The following DOP1A variants were observed in gnomAD, a reference collection of about 807,000 sequenced individuals.
DOP1A encodes protein DOP1A.
A neutral mutation model predicts 267.6 loss-of-function variants in DOP1A; 90 were observed. The observed-to-expected ratio is 0.34, with a 90% confidence interval of 0.28 to 0.40. The LOEUF is 0.40. Ranked by LOEUF, DOP1A falls within the 10% of genes least tolerant of loss-of-function variation. DOP1A has a pLI of 1.00. For missense variants in DOP1A, 2,437 were observed against 2,900.4 expected (o/e 0.84, Z 3.67); for synonymous variants, 932 against 999.1 (o/e 0.93, Z 1.27).
At chr6:83,170,506 CTCTA>C, downstream of DOP1A, 1 of 1,569,012 alleles carries the variant, frequency 6.4e-7, no homozygotes, top group Non-Finnish European at 8.8e-7. Context: ...ATATTTGTTA[CTCTA>C]TTACACTTCC....
chr6:83,136,723 T>G (rs551949020), intron 20 of DOP1A, among the ~76,000 whole-genome samples: 30 of 152,248 alleles, frequency 2.0e-4, no homozygotes, highest in African/African-American at 6.5e-4. Flanking sequence ...CAGAATGTCT[T>G]TGTGTTAATG....
At chr6:83,078,376 G>A (rs1767487640) in intron 1 of DOP1A, among the ~76,000 whole-genome samples, 1 of 152,136 alleles carries the variant, frequency 6.6e-6, no homozygotes, top group African/African-American at 2.4e-5. Flanking sequence ...TTCCAGCAGG[G>A]AACATGCTCC....
chr6:83,097,604 C>T (rs117271113), intron 3 of DOP1A, among the ~76,000 whole-genome samples: 2,773 of 152,276 alleles, frequency 0.018, 50 homozygotes, highest in Admixed American at 0.06. Context: ...CAGTTGCTTA[C>T]GCCTTGCAGC....
At chr6:83,153,752 A>T in intron 31 of DOP1A, 132 bp downstream of exon 31, 1 of 1,170,434 alleles carries the variant, frequency 8.5e-7, no homozygotes, top group Non-Finnish European at 1.2e-6. Context: ...GTTTAAAAAA[A>T]TTCATATATT....
chr6:83,080,330 T>A (rs1044439540), intron 1 of DOP1A, among the ~76,000 whole-genome samples: 3 of 152,234 alleles, frequency 2.0e-5, no homozygotes, highest in Non-Finnish European at 2.9e-5. Flanking sequence ...AATACAATGA[T>A]ATATGACTAA....
At chr6:83,124,940 T>C (rs1426056276) in intron 13 of DOP1A, 121 bp downstream of exon 13, 29 of 945,576 alleles carry the variant, frequency 3.1e-5, no homozygotes, top group Non-Finnish European at 4.4e-5. Flanking sequence ...TTTTCCTCTT[T>C]GGTAAGCTTT....
intron 15 of DOP1A, among the ~76,000 whole-genome samples, chr6:83,127,610 A>C (rs762051096): frequency 1.1e-4 from 16 of 152,354 alleles, no homozygotes; most frequent in Admixed American, 2.0e-4. Flanking sequence ...TATGAAATGT[A>C]GAGGAGAAAC....
At chr6:83,153,347 A>G in intron 30 of DOP1A, 164 bp from the exon 31 acceptor site, 1 of 459,734 alleles carries the variant, frequency 2.2e-6, no homozygotes, top group Non-Finnish European at 3.8e-6. Flanking sequence ...ACAAAAAAGC[A>G]GATGGTGGCA....
intron 1 of DOP1A, among the ~76,000 whole-genome samples, chr6:83,090,125 C>T (rs781750646): frequency 6.6e-6 from 1 of 152,102 alleles, no homozygotes; most frequent in African/African-American, 2.4e-5. Context: ...GTTTTGATTT[C>T]GTAGGAAATA....
chr6:83,160,839 T>G (rs192997688), intron 37 of DOP1A, among the ~76,000 whole-genome samples: 3 of 152,272 alleles, frequency 2.0e-5, no homozygotes, highest in African/African-American at 7.2e-5. Context: ...TACTGAGCTT[T>G]TTCTCTTTTT....
intron 35 of DOP1A, among the ~76,000 whole-genome samples, chr6:83,157,581 G>T (rs1783078767): frequency 6.6e-6 from 1 of 152,176 alleles, no homozygotes; most frequent in African/African-American, 2.4e-5. Context: ...TGTTTAGTCT[G>T]TACTACACTA....
In DOP1A at chr6:83,136,379, C is replaced by G. The variant is rs530622024; in HGVS notation, c.3130+501C>G. Among the ~76,000 whole-genome samples, 26 of 152,198 alleles carry G rather than the reference C, an allele frequency of 1.7e-4. No individual in the cohort carries two copies. The South Asian group carries it at 2.5e-3, about 15-fold the overall frequency. ...TTACTATATTACTACAAAGTCCATACTTTATAGTTGAGTGATGCCTTCTAT... is the reference window on the plus strand; with the variant it reads ...TTACTATATTACTACAAAGTCCATAGTTTATAGTTGAGTGATGCCTTCTAT... On this transcript the variant is annotated intron_variant, in intron 20 of 38. Coordinates refer to ENST00000349129, the MANE Select transcript of DOP1A (RefSeq NM_015018.4).
intron 18 of DOP1A, among the ~76,000 whole-genome samples, chr6:83,133,649 T>C (rs973001993): frequency 6.6e-6 from 1 of 151,976 alleles, no homozygotes; most frequent in Non-Finnish European, 1.5e-5. Context: ...ATTATATTAA[T>C]CTTTTTCCAA....
downstream of DOP1A, among the ~76,000 whole-genome samples, chr6:83,170,067 C>CT (rs1786774256): frequency 6.6e-6 from 1 of 152,130 alleles, no homozygotes; most frequent in South Asian, 2.1e-4. Flanking sequence ...AAATATGACA[C>CT]TTTCAGGAAG....
At chr6:83,113,971 C>A (rs184424639) in intron 7 of DOP1A, among the ~76,000 whole-genome samples, 3 of 152,130 alleles carry the variant, frequency 2.0e-5, no homozygotes, top group South Asian at 4.1e-4. Flanking sequence ...GACTTATAAA[C>A]CTTGATGAAG....
At chr6:83,106,771 A>G (rs1039120077) in intron 4 of DOP1A, among the ~76,000 whole-genome samples, 1 of 151,036 alleles carries the variant, frequency 6.6e-6, no homozygotes, top group African/African-American at 2.4e-5. Context: ...TTGCACCACT[A>G]CACTTCAGCA....
At chr6:83,160,991 C>A (rs978494443) in intron 37 of DOP1A, among the ~76,000 whole-genome samples, 2 of 151,666 alleles carry the variant, frequency 1.3e-5, no homozygotes, top group African/African-American at 4.8e-5. Flanking sequence ...ATATATATAT[C>A]TACTTTTTGA....
In DOP1A at chr6:83,168,042, T is replaced by C; in HGVS notation, c.7273T>C (p.Tyr2425His). 6.2e-7 allele frequency: 1 copy of C among 1,614,178 alleles called. No individual in the cohort carries two copies. The highest frequency in any genetic ancestry group is 8.5e-7 in the Non-Finnish European group (1 of 1,180,028). The change falls in exon 39 of 39, where the codon TAC becomes CAC. Residue 2425 changes from tyrosine to histidine, a missense_variant. Tyr to His is a moderately conservative substitution (Grantham distance 83, BLOSUM62 2). Coordinates refer to ENST00000349129, the MANE Select transcript of DOP1A (RefSeq NM_015018.4). ...CGGHSGSPILYSNAFPNKDMK... is the reference protein window; with the variant it reads ...CGGHSGSPILHSNAFPNKDMK... The stretch of plus-strand genomic sequence containing the variant: ...AGGACACTCAGGGAGTCCTATCCTC[T>C]ACTCAAATGCCTTCCCTAATAAGGA...
intron 27 of DOP1A, among the ~76,000 whole-genome samples, chr6:83,151,311 C>G (rs1049939666): frequency 4.6e-5 from 7 of 152,154 alleles, no homozygotes; most frequent in Admixed American, 1.3e-4. Context: ...TGCACCACCA[C>G]GCCTGGCCAC....
Sources: gnomAD v4.1 joint callset for allele counts (sites outside exome capture counted in the v4.1 genomes callset) on GRCh38, gnomAD v4.1.1 for gene constraint, MANE v1.5 for transcripts, NCBI Gene and HGNC (gene_info 2026-07-23, HGNC 2026-07-21) for gene names.